Variants in PHKB observed in about 807,000 individuals in gnomAD.
PHKB encodes the protein phosphorylase kinase regulatory subunit beta, also known as phosphorylase b kinase regulatory subunit beta.
In PHKB, 122 loss-of-function variants were observed where a neutral mutation model predicts 152.1. The ratio of observed to expected loss-of-function variants is 0.80; its 90% CI spans 0.69 to 0.93. PHKB has a LOEUF of 0.93. Ranked by LOEUF, PHKB falls within the 40% of genes least tolerant of loss-of-function variation. The pLI is 0.00. For synonymous variants in PHKB, 436 were observed against 464.9 expected (o/e 0.94, Z 0.80); for missense variants, 1,304 against 1,328.4 (o/e 0.98, Z 0.29).
At chr16:47,650,440 G>C in intron 18 of PHKB, 104 bp from the exon 19 acceptor site, 3 of 748,134 alleles carry the variant, frequency 4.0e-6, no homozygotes, top group Non-Finnish European at 7.3e-6. Flanking sequence ...ATTGTGAACT[G>C]TCTTGCTACA....
intron 6 of PHKB, among the ~76,000 whole-genome samples, chr16:47,539,463 T>C (rs1372616054): frequency 3.3e-5 from 5 of 152,258 alleles, no homozygotes; most frequent in Non-Finnish European, 7.4e-5. Context: ...TGTTTTATAC[T>C]TGTCTTAGTG....
chr16:47,488,770 T>C (rs987243591), intron 1 of PHKB, among the ~76,000 whole-genome samples: 12 of 152,192 alleles, frequency 7.9e-5, no homozygotes, highest in African/African-American at 2.7e-4. Flanking sequence ...TGCAGCTTTA[T>C]TTCTGGTTTC....
At chr16:47,485,051 A>T (rs574790159) in intron 1 of PHKB, among the ~76,000 whole-genome samples, 2 of 152,298 alleles carry the variant, frequency 1.3e-5, no homozygotes, top group East Asian at 3.9e-4. Context: ...GCTTTTCAAC[A>T]CCTAGGATCA....
chr16:47,540,011 A>G (rs1971024502), intron 6 of PHKB, among the ~76,000 whole-genome samples: 4 of 152,248 alleles, frequency 2.6e-5, no homozygotes, highest in Admixed American at 2.6e-4. Flanking sequence ...AAAAAAAGCC[A>G]TATTTTACTT....
At chr16:47,666,555 C>T (rs1183933982) in intron 25 of PHKB, among the ~76,000 whole-genome samples, 1 of 152,238 alleles carries the variant, frequency 6.6e-6, no homozygotes, top group Non-Finnish European at 1.5e-5. Context: ...GAGCCATCTC[C>T]AGTTAGCAGT....
At chr16:47,466,980 G>A (rs1334637516) in intron 1 of PHKB, among the ~76,000 whole-genome samples, 1 of 152,078 alleles carries the variant, frequency 6.6e-6, no homozygotes, top group African/African-American at 2.4e-5. Flanking sequence ...ATTTGATCCT[G>A]AGGAAGCTAT....
intron 6 of PHKB, among the ~76,000 whole-genome samples, chr16:47,526,483 A>G (rs762547601): frequency 3.2e-4 from 48 of 152,064 alleles, no homozygotes; most frequent in Admixed American, 1.2e-3. Flanking sequence ...TTGGGACTGA[A>G]AGTTTCAATC....
chr16:47,650,360 A>G (rs1044298584), intron 18 of PHKB, among the ~76,000 whole-genome samples, 184 bp from the exon 19 acceptor site: 3 of 152,230 alleles, frequency 2.0e-5, no homozygotes, highest in Admixed American at 6.5e-5. Flanking sequence ...TGTTCAGCAT[A>G]ACTTGCGTGT....
chr16:47,551,956 A>G (rs1463863768), intron 7 of PHKB, among the ~76,000 whole-genome samples: 2 of 152,128 alleles, frequency 1.3e-5, no homozygotes, highest in African/African-American at 4.8e-5. Context: ...TGATCACTTT[A>G]CCATTATGTA....
chr16:47,596,241 T>C (rs1373920582), intron 12 of PHKB, 132 bp from the exon 13 acceptor site: 4 of 659,286 alleles, frequency 6.1e-6, no homozygotes, highest in African/African-American at 1.8e-5. Context: ...TCCCCAGCCA[T>C]GTGGAACTGT....
At chr16:47,566,489 C>T in intron 7 of PHKB, 1 of 1,607,792 alleles carries the variant, frequency 6.2e-7, no homozygotes, top group South Asian at 1.1e-5. Context: ...CAAAACCTTT[C>T]AACTTCTCTG....
intron 3 of PHKB, among the ~76,000 whole-genome samples, chr16:47,502,518 C>G (rs1419499783): frequency 6.6e-6 from 1 of 152,164 alleles, no homozygotes; most frequent in Admixed American, 6.5e-5. Context: ...GACTAAATGC[C>G]TGCTCTGATG....
chr16:47,471,980 C>T (rs796796232), intron 1 of PHKB, among the ~76,000 whole-genome samples: 15 of 152,220 alleles, frequency 9.9e-5, no homozygotes, highest in African/African-American at 3.6e-4. Flanking sequence ...GGCGTGAACC[C>T]GGGAGGCGGG....
At chr16:47,602,328 A>G (rs746634955) in intron 13 of PHKB, among the ~76,000 whole-genome samples, 4 of 152,232 alleles carry the variant, frequency 2.6e-5, no homozygotes, top group African/African-American at 7.2e-5. Flanking sequence ...TAAAATATCC[A>G]AAGTGTTATA....
intron 14 of PHKB, among the ~76,000 whole-genome samples, chr16:47,617,069 A>G (rs1291175239): frequency 6.6e-6 from 1 of 151,928 alleles, no homozygotes; most frequent in African/African-American, 2.4e-5. Flanking sequence ...CGTCAAGGCC[A>G]TCATGAGCAT....
chr16:47,501,686 T>C (rs1018201646), intron 3 of PHKB, among the ~76,000 whole-genome samples: 2 of 152,208 alleles, frequency 1.3e-5, no homozygotes, highest in Admixed American at 6.5e-5. Context: ...AAAAGACTTA[T>C]TCATTATAGC....
chr16:47,606,531 C>T (rs1038346771), intron 13 of PHKB, among the ~76,000 whole-genome samples: 1 of 152,188 alleles, frequency 6.6e-6, no homozygotes, highest in Admixed American at 6.5e-5. Flanking sequence ...TGTGCCGACT[C>T]ACTTTAGAAG....
At chr16:47,466,222 C>G (rs1014598570) in intron 1 of PHKB, among the ~76,000 whole-genome samples, 2 of 152,188 alleles carry the variant, frequency 1.3e-5, no homozygotes, top group African/African-American at 4.8e-5. Context: ...TCTAGATATT[C>G]AGGTTTTTCT....
At chr16:47,487,294 A>G (rs941722206) in intron 1 of PHKB, among the ~76,000 whole-genome samples, 1 of 152,178 alleles carries the variant, frequency 6.6e-6, no homozygotes, top group Non-Finnish European at 1.5e-5. Flanking sequence ...ATAAAGCTCT[A>G]TTATCTAAGC....
Sources: allele counts gnomAD v4.1 joint callset (sites outside exome capture counted in the v4.1 genomes callset), GRCh38; gene constraint gnomAD v4.1.1; transcripts MANE v1.5; gene names NCBI Gene and HGNC (gene_info 2026-07-23, HGNC 2026-07-21).